DCLK1: variants seen among roughly 807,000 people sequenced by gnomAD.
DCLK1 encodes serine/threonine-protein kinase DCLK1.
A neutral mutation model predicts 86.2 loss-of-function variants in DCLK1; 16 were observed. That is an observed-to-expected ratio of 0.19 (90% CI 0.13 to 0.28). DCLK1 has a LOEUF of 0.28. Among genes scored for constraint, DCLK1 ranks in the 10% least tolerant of loss-of-function variants. The pLI, the probability that DCLK1 is intolerant of heterozygous loss-of-function variation, is 1.00. For synonymous variants in DCLK1, 369 were observed against 370.5 expected (o/e 1.00, Z 0.05); for missense variants, 590 against 940.2 (o/e 0.63, Z 4.87).
chr13:35,937,978 G>A (rs1876856126), intron 4 of DCLK1, among the ~76,000 whole-genome samples: 2 of 151,968 alleles, frequency 1.3e-5, no homozygotes, highest in Non-Finnish European at 2.9e-5. Context: ...TATAGATAGG[G>A]TAAAACAAAA....
At chr13:35,836,211 A>C in intron 7 of DCLK1, 70 bp from the exon 8 acceptor site, 1 of 1,304,320 alleles carries the variant, frequency 7.7e-7, no homozygotes, top group South Asian at 1.3e-5. Flanking sequence ...GAAACATTTA[A>C]AAGTATCATC....
At chr13:35,779,109 G>A (rs539596701) in intron 16 of DCLK1, among the ~76,000 whole-genome samples, 9 of 152,006 alleles carry the variant, frequency 5.9e-5, no homozygotes, top group Admixed American at 1.3e-4. Flanking sequence ...GCCACCTCCC[G>A]GGTTCACAGG....
intron 4 of DCLK1, among the ~76,000 whole-genome samples, chr13:35,924,803 A>G (rs1171053): frequency 1 from 152,362 of 152,364 alleles, 76,180 homozygotes; most frequent in Non-Finnish European, 1. Context: ...CTCTGACCAA[A>G]GTTCAGCTAA....
intron 3 of DCLK1, among the ~76,000 whole-genome samples, chr13:35,953,937 T>C (rs555234100): frequency 1.3e-5 from 2 of 152,324 alleles, no homozygotes; most frequent in South Asian, 4.1e-4. Flanking sequence ...TTCCATTGTA[T>C]CAGAGACACC....
At chr13:35,896,257 G>A (rs1873973326) in intron 4 of DCLK1, among the ~76,000 whole-genome samples, 1 of 152,096 alleles carries the variant, frequency 6.6e-6, no homozygotes, top group Admixed American at 6.6e-5. Flanking sequence ...TATGCTGTTA[G>A]GCCAGGCGTA....
rs1440865468 is a variant in DCLK1 at position 35,990,851 on chromosome 13, G to T, written c.724-43394C>A. 3.3e-5 allele frequency among the ~76,000 whole-genome samples: 5 copies of T among 152,088 alleles called. No homozygotes were observed. The East Asian group carries it at 9.7e-4, about 29-fold the overall frequency. Reference sequence around the variant, plus strand: ...ATTCCCACCAAGTTATTTTGAATCTGATAAATTCTCTTGTACATAATGTCT... The same window carrying T: ...ATTCCCACCAAGTTATTTTGAATCTTATAAATTCTCTTGTACATAATGTCT... On this transcript the variant is annotated intron_variant, in intron 3 of 16. Transcript: ENST00000360631.
At chr13:35,998,456 C>T (rs1250347709) in intron 3 of DCLK1, among the ~76,000 whole-genome samples, 1 of 152,102 alleles carries the variant, frequency 6.6e-6, no homozygotes, top group South Asian at 2.1e-4. Flanking sequence ...GCTCTTCTGC[C>T]TCTTCGGGTC....
At chr13:36,129,990 T>G (rs1351005943) in intron 1 of DCLK1, among the ~76,000 whole-genome samples, 1 of 151,910 alleles carries the variant, frequency 6.6e-6, no homozygotes, top group Non-Finnish European at 1.5e-5. Context: ...TGCTACCACA[T>G]CTAAATAGAT....
intron 3 of DCLK1, among the ~76,000 whole-genome samples, chr13:36,037,263 TG>T (rs1484654328): frequency 6.6e-6 from 1 of 151,986 alleles, no homozygotes; most frequent in African/African-American, 2.4e-5. Context: ...TTGAGGAGGA[TG>T]AAAGAAGTTG....
chr13:35,993,278 G>A (rs1446842100), intron 3 of DCLK1, among the ~76,000 whole-genome samples: 6 of 152,062 alleles, frequency 3.9e-5, no homozygotes, highest in Non-Finnish European at 7.4e-5. Context: ...CCTACATGAC[G>A]CTCCAGCAAC....
chr13:35,805,363 C>A (rs1362186337), intron 15 of DCLK1: 1 of 247,964 alleles, frequency 4.0e-6, no homozygotes, highest in Non-Finnish European at 7.7e-6. Context: ...GTGGCACGAT[C>A]TTGGCTTACT....
chr13:35,989,941 AAGAG>A (rs1454525885), intron 3 of DCLK1, among the ~76,000 whole-genome samples: 1 of 152,226 alleles, frequency 6.6e-6, no homozygotes, highest in African/African-American at 2.4e-5. Flanking sequence ...GTGATAAACT[AAGAG>A]TTGGTAGGTG....
At chr13:35,982,449 A>G (rs1187090058) in intron 3 of DCLK1, among the ~76,000 whole-genome samples, 1 of 14,524 alleles carries the variant, frequency 6.9e-5, no homozygotes, top group Non-Finnish European at 1.3e-4. Context: ...GGAGGGAGGG[A>G]GGGAGGGAGG....
Position 35,953,841 on chromosome 13 carries a change from C to T in DCLK1, c.724-6384G>A, listed in dbSNP as rs1378098678. ...GGCAAGGATATTTTCTTTACAAGAG[C>T]GCCCTCTTCAAACGAAACAGGGGAT... On this transcript the variant is annotated intron_variant, in intron 3 of 16. Coordinates refer to ENST00000360631, the MANE Select transcript of DCLK1 (RefSeq NM_001330071.2). Among the ~76,000 whole-genome samples, 11 of 152,178 alleles carry T rather than the reference C, an allele frequency of 7.2e-5. No individual in the cohort carries two copies. In the East Asian group the frequency reaches 1.9e-3, roughly 27 times the overall value.
chr13:36,084,979 A>G (rs1306394768), intron 3 of DCLK1, among the ~76,000 whole-genome samples: 1 of 152,240 alleles, frequency 6.6e-6, no homozygotes, highest in Non-Finnish European at 1.5e-5. Flanking sequence ...CTCAAGGAAA[A>G]CAAATTTCTC....
At chr13:35,958,686 T>C (rs563822813) in intron 3 of DCLK1, among the ~76,000 whole-genome samples, 1 of 152,352 alleles carries the variant, frequency 6.6e-6, no homozygotes, top group Admixed American at 6.5e-5. Context: ...CTGTGCAGCA[T>C]ATTAGTCTGT....
At chr13:35,976,769 C>T (rs1444153801) in intron 3 of DCLK1, among the ~76,000 whole-genome samples, 3 of 151,568 alleles carry the variant, frequency 2.0e-5, no homozygotes, top group Non-Finnish European at 2.9e-5. Flanking sequence ...CTCTTGACCT[C>T]GTGATCCGCC....
intron 4 of DCLK1, among the ~76,000 whole-genome samples, chr13:35,919,752 G>A (rs1171946911): frequency 6.6e-6 from 1 of 151,890 alleles, no homozygotes; most frequent in African/African-American, 2.4e-5. Context: ...CTTGAGGCCA[G>A]GAGTTTGAGA....
intron 6 of DCLK1, among the ~76,000 whole-genome samples, chr13:35,853,186 T>C (rs770736758): frequency 3.9e-5 from 6 of 152,236 alleles, no homozygotes; most frequent in Non-Finnish European, 7.3e-5. Flanking sequence ...CAAATTAGAC[T>C]GTGGCCAAGA....
Sources: allele counts gnomAD v4.1 joint callset (sites outside exome capture counted in the v4.1 genomes callset), GRCh38; gene constraint gnomAD v4.1.1; transcripts MANE v1.5; gene names NCBI Gene and HGNC (gene_info 2026-07-23, HGNC 2026-07-21).